APCDD1L: variants seen among roughly 807,000 people sequenced by gnomAD.
APCDD1L encodes protein APCDD1-like.
A neutral mutation model predicts 24.2 loss-of-function variants in APCDD1L; 21 were observed. The ratio of observed to expected loss-of-function variants is 0.87; its 90% CI spans 0.61 to 1.25. The LOEUF (loss-of-function observed/expected upper bound fraction) is 1.25. Ranked by LOEUF, APCDD1L falls within the 50% of genes most tolerant of loss-of-function variation. APCDD1L has a pLI of 0.00. For synonymous variants in APCDD1L, 321 were observed against 323.6 expected (o/e 0.99, Z 0.09); for missense variants, 704 against 711.7 (o/e 0.99, Z 0.12).
At chr20:58,500,836 T>A (rs780229534) in intron 1 of APCDD1L, among the ~76,000 whole-genome samples, 1 of 152,162 alleles carries the variant, frequency 6.6e-6, no homozygotes, top group African/African-American at 2.4e-5. Flanking sequence ...CACTAGCCAG[T>A]TGCCCAGTCC....
intron 1 of APCDD1L, among the ~76,000 whole-genome samples, chr20:58,471,420 C>T (rs551410625): frequency 3.9e-5 from 6 of 152,332 alleles, no homozygotes; most frequent in Admixed American, 3.9e-4. Flanking sequence ...CAATGCAGGC[C>T]CTGCCCTTCT....
At chr20:58,501,722 A>G (rs1345420024) in intron 1 of APCDD1L, among the ~76,000 whole-genome samples, 1 of 152,204 alleles carries the variant, frequency 6.6e-6, no homozygotes, top group Non-Finnish European at 1.5e-5. Flanking sequence ...CCCTACAGAT[A>G]TAACCAAGCC....
In APCDD1L at chr20:58,460,845, G is replaced by T. The variant is rs1195035409; in HGVS notation, c.1451C>A (p.Ala484Asp). Residue 484 changes from alanine (A) to aspartate (D), a missense_variant, in exon 4 of 4, where the codon GCC (alanine) becomes GAC (aspartate). Ala to Asp is a moderately radical substitution (Grantham distance 126). Coordinates refer to ENST00000371149, the MANE Select transcript of APCDD1L (RefSeq NM_153360.3). This position sits in a 1 kb window ranked among gnomAD's most constrained non-coding sequence, Gnocchi z 4.2. The stretch of plus-strand genomic sequence containing the variant: ...AACTAGGGGCAGAAGTGGGAAGGGG[G>T]CTATGTGAAGACCCCCTGTGCTGGG... ...KHPSTGGLHI[A>D]PFPLLPLVLG... 1 of 1,555,470 alleles carries T rather than the reference G, an allele frequency of 6.4e-7. No individual in the cohort carries two copies. The highest frequency in any genetic ancestry group is 1.2e-5 in the South Asian group (1 of 81,948).
At chr20:58,470,214 T>C (rs1989784260) in intron 2 of APCDD1L, among the ~76,000 whole-genome samples, 1 of 152,252 alleles carries the variant, frequency 6.6e-6, no homozygotes, top group Non-Finnish European at 1.5e-5. Context: ...CTGATCACTC[T>C]CTAAAGAACC....
At chr20:58,470,817 AC>A (rs1362288087) in intron 1 of APCDD1L, 70 bp from the exon 2 acceptor site, 1 of 1,472,112 alleles carries the variant, frequency 6.8e-7, no homozygotes, top group African/African-American at 1.4e-5. Flanking sequence ...TGCCCTCCCA[AC>A]CCCACTGTGG....
intron 1 of APCDD1L, among the ~76,000 whole-genome samples, chr20:58,501,435 C>T (rs544263132): frequency 6.6e-6 from 1 of 152,284 alleles, no homozygotes; most frequent in South Asian, 2.1e-4. Context: ...TGTGTACCCA[C>T]AGAATAATGG....
intron 1 of APCDD1L, among the ~76,000 whole-genome samples, chr20:58,509,587 G>A (rs1404732140): frequency 2.0e-5 from 3 of 152,104 alleles, no homozygotes; most frequent in African/African-American, 4.8e-5. Context: ...GGGCCCTGGT[G>A]GACACAGAGA....
At chr20:58,476,289 C>T (rs921241774) in intron 1 of APCDD1L, among the ~76,000 whole-genome samples, 2 of 152,210 alleles carry the variant, frequency 1.3e-5, no homozygotes, top group Non-Finnish European at 2.9e-5. Context: ...CTCCCAGGTT[C>T]AAGCAATTCT....
chr20:58,507,993 A>C (rs1361521971), intron 1 of APCDD1L, among the ~76,000 whole-genome samples: 1 of 152,244 alleles, frequency 6.6e-6, no homozygotes. Flanking sequence ...GGGTTAGTGA[A>C]GATGTAAGAA....
At chr20:58,500,001 A>G (rs1990400803) in intron 1 of APCDD1L, among the ~76,000 whole-genome samples, 1 of 152,218 alleles carries the variant, frequency 6.6e-6, no homozygotes, top group South Asian at 2.1e-4. Context: ...GTTTTTTTAA[A>G]AAAACACATG....
At chr20:58,503,515 C>T (rs912803265) in intron 1 of APCDD1L, among the ~76,000 whole-genome samples, 8 of 152,206 alleles carry the variant, frequency 5.3e-5, no homozygotes, top group African/African-American at 2.4e-5. Context: ...CTGGTAATTC[C>T]AGGCTAAATA....
At chr20:58,490,465 T>C (rs1315641575) in intron 1 of APCDD1L, among the ~76,000 whole-genome samples, 1 of 152,178 alleles carries the variant, frequency 6.6e-6, no homozygotes, top group Non-Finnish European at 1.5e-5. Context: ...CACACTGACC[T>C]CGCTAGCGAG....
intron 1 of APCDD1L, among the ~76,000 whole-genome samples, chr20:58,509,143 G>C (rs1375914097): frequency 6.6e-6 from 1 of 152,090 alleles, no homozygotes; most frequent in Non-Finnish European, 1.5e-5. Context: ...GAGGGAAGAG[G>C]GCGTGAAGGC....
At chr20:58,502,005 T>C (rs1297450956) in intron 1 of APCDD1L, among the ~76,000 whole-genome samples, 2 of 152,234 alleles carry the variant, frequency 1.3e-5, no homozygotes, top group Admixed American at 1.3e-4. Context: ...CTTCCAGATA[T>C]GCCCCATCTA....
chr20:58,475,716 A>G (rs1989895826), intron 1 of APCDD1L, among the ~76,000 whole-genome samples: 1 of 152,044 alleles, frequency 6.6e-6, no homozygotes, highest in African/African-American at 2.4e-5. Context: ...AAGCAACAGG[A>G]GTCGATCCTT....
At chr20:58,466,165 T>G (rs1484733456) in intron 3 of APCDD1L, among the ~76,000 whole-genome samples, 1 of 149,450 alleles carries the variant, frequency 6.7e-6, no homozygotes, top group African/African-American at 2.5e-5. Flanking sequence ...GACTGCTAGA[T>G]CCTCCCCAAA....
At position 58,467,007 on chromosome 20, in the gene APCDD1L, T is replaced by C. The variant is rs1041529601; in HGVS notation, c.741+99A>G. Reference sequence around the variant, plus strand: ...GATGACAGCCGGGCAGCCAGAGCCCTGGGCAGGCCCAGGTCTTGCAAAGCT... The same window carrying C: ...GATGACAGCCGGGCAGCCAGAGCCCCGGGCAGGCCCAGGTCTTGCAAAGCT... On this transcript the variant is annotated intron_variant, in intron 3 of 3. Transcript: ENST00000371149. This position sits in a 1 kb window ranked among gnomAD's most constrained non-coding sequence, Gnocchi z 5.9. 3 of 1,432,632 alleles carry C rather than the reference T, an allele frequency of 2.1e-6. No homozygotes were observed. The highest frequency in any genetic ancestry group is 1.4e-5 in the South Asian group (1 of 70,610). 88.7% of individuals were successfully genotyped at this position (1,432,632 alleles called of 1,614,324 possible).
intron 1 of APCDD1L, among the ~76,000 whole-genome samples, chr20:58,484,630 G>A (rs1990086289): frequency 6.6e-6 from 1 of 152,018 alleles, no homozygotes; most frequent in Non-Finnish European, 1.5e-5. Flanking sequence ...TAAGACTGTG[G>A]GGACTAACAC....
In APCDD1L at chr20:58,497,562, C is replaced by T. The variant is rs1006929615; in HGVS notation, c.49+17097G>A. Among the ~76,000 whole-genome samples the T allele has an allele frequency of 3.1e-4, 47 of 152,274 alleles. No individual in the cohort carries two copies. Among genetic ancestry groups the T allele is most frequent in the African/African-American group, 1.1e-3 (45 of 41,550 alleles). On this transcript the variant is annotated intron_variant, in intron 1 of 3. Transcript: ENST00000371149. This position sits in a 1 kb window ranked among gnomAD's most constrained non-coding sequence, Gnocchi z 4.3. The stretch of plus-strand genomic sequence containing the variant: ...CTTGTAGATGGCCATCTTCTCCCTG[C>T]GTCTCTTCACATCGTCTTCCTTCGA...
Sources: gnomAD v4.1 joint callset for allele counts (sites outside exome capture counted in the v4.1 genomes callset) on GRCh38, gnomAD v4.1.1 for gene constraint, Gnocchi (gnomAD v3.1) non-coding constraint, MANE v1.5 for transcripts, NCBI Gene and HGNC (gene_info 2026-07-23, HGNC 2026-07-21) for gene names.